The following NRG3 variants were observed in gnomAD, a reference collection of about 807,000 sequenced individuals.
NRG3 encodes neuregulin 3.
In NRG3, 31 loss-of-function variants were observed where a neutral mutation model predicts 66.9. That is an observed-to-expected ratio of 0.46 (90% CI 0.35 to 0.63). The LOEUF is 0.63. Among genes scored for constraint, NRG3 ranks in the 20% least tolerant of loss-of-function variants. NRG3 has a pLI of 0.00. For missense variants in NRG3, 910 were observed against 878.9 expected (o/e 1.04, Z -0.45); for synonymous variants, 393 against 359.4 (o/e 1.09, Z -1.06).
chr10:82,547,062 A>G (rs1237324176), intron 2 of NRG3, among the ~76,000 whole-genome samples: 1 of 152,218 alleles, frequency 6.6e-6, no homozygotes, highest in Non-Finnish European at 1.5e-5. Flanking sequence ...ATGCAATCAT[A>G]AAATTTGTAG....
At chr10:82,845,017 T>A (rs1287805643) in intron 3 of NRG3, among the ~76,000 whole-genome samples, 3 of 152,062 alleles carry the variant, frequency 2.0e-5, no homozygotes, top group African/African-American at 7.2e-5. Context: ...TTTCCAGGCA[T>A]GGTGTTGTGC....
At chr10:82,564,711 C>T (rs1200142670) in intron 2 of NRG3, among the ~76,000 whole-genome samples, 1 of 151,992 alleles carries the variant, frequency 6.6e-6, no homozygotes, top group Non-Finnish European at 1.5e-5. Context: ...TCCTGTTGTG[C>T]TGAGTGTGTC....
At chr10:82,241,553 A>G (rs983990996) in intron 1 of NRG3, among the ~76,000 whole-genome samples, 1 of 152,158 alleles carries the variant, frequency 6.6e-6, no homozygotes. Flanking sequence ...TAGCTAGTTT[A>G]GCACATAATA....
At chr10:82,363,726 G>T (rs2084338874) in intron 2 of NRG3, among the ~76,000 whole-genome samples, 1 of 152,020 alleles carries the variant, frequency 6.6e-6, no homozygotes, top group South Asian at 2.1e-4. Flanking sequence ...CAAAGTGCTG[G>T]GATTACAGGC....
intron 1 of NRG3, among the ~76,000 whole-genome samples, chr10:82,169,382 A>G (rs928821247): frequency 4.6e-5 from 7 of 151,950 alleles, no homozygotes; most frequent in African/African-American, 1.4e-4. Context: ...AGGAACAATT[A>G]TCTATATTTC....
Position 82,762,004 on chromosome 10 carries a change from CTCTT to C in NRG3, c.1027+23368_1027+23371del, listed in dbSNP as rs1040816094. 5.1e-3 allele frequency among the ~76,000 whole-genome samples: 531 copies of C among 104,752 alleles called. 2 individuals carry two copies. The highest frequency in any genetic ancestry group is 0.017 in the African/African-American group (478 of 28,308). 68.7% of individuals were successfully genotyped at this position (104,752 alleles called of 152,430 possible). A position where few individuals can be genotyped will look rare whatever the true frequency, so the allele number is the denominator to read the frequency against. Reference sequence around the variant, plus strand: ...TTCTTTCTTCTTTCTTTTCCTTTCTCTCTTTCTTTCTTTCTTTTCTTTCTTTCTT... The same window carrying C: ...TTCTTTCTTCTTTCTTTTCCTTTCTCTCTTTCTTTCTTTTCTTTCTTTCTT... On this transcript the variant is annotated intron_variant, in intron 3 of 8. Coordinates refer to ENST00000372141, the MANE Select transcript of NRG3 (RefSeq NM_001010848.4).
At chr10:82,274,409 T>G (rs749038054) in intron 1 of NRG3, among the ~76,000 whole-genome samples, 2 of 148,860 alleles carry the variant, frequency 1.3e-5, no homozygotes, top group African/African-American at 2.6e-5. Flanking sequence ...AGTTGTCAGA[T>G]CTAGAATGAT....
chr10:82,786,899 G>A (rs1213750043), intron 3 of NRG3, among the ~76,000 whole-genome samples: 1 of 152,084 alleles, frequency 6.6e-6, no homozygotes, highest in Non-Finnish European at 1.5e-5. Flanking sequence ...TCATGTTTGT[G>A]CTGTCTTGCC....
chr10:82,232,187 A>G (rs1356694579), intron 1 of NRG3: 4 of 152,412 alleles, frequency 2.6e-5, no homozygotes, highest in East Asian at 1.9e-4. Context: ...CTTATATATC[A>G]TAATAAATAG....
rs551449724 is a variant in NRG3, at chr10:82,970,553, T to C, written c.1285-3235T>C. Among the ~76,000 whole-genome samples the C allele has an allele frequency of 6.6e-5, 10 of 152,338 alleles. No individual in the cohort carries two copies. In the South Asian group the frequency reaches 2.1e-3, roughly 32 times the overall value. ...TATGTTGCCTGTCTTTATTTTTCTG[T>C]GAAATTCTTGTTCACCTGTTGCCTT... is the stretch of plus-strand genomic sequence containing the variant. On this transcript the variant is annotated intron_variant, in intron 6 of 8. Transcript: ENST00000372141.
rs181683651 is a variant in NRG3, at chr10:82,959,612, G to T, written c.1284+537G>T. Among the ~76,000 whole-genome samples, 406 of 152,238 alleles carry T rather than the reference G, an allele frequency of 2.7e-3. 1 individual carries two copies. The highest frequency in any genetic ancestry group is 0.01 in the Middle Eastern group (3 of 294). The stretch of plus-strand genomic sequence containing the variant: ...AAGGATATGAAAAGTTCTATAGAGA[G>T]TCAAAGGGCTAAGAGCTAGAAGCCA... On this transcript the variant is annotated intron_variant, in intron 6 of 8. Coordinates refer to ENST00000372141, the MANE Select transcript of NRG3 (RefSeq NM_001010848.4).
chr10:82,274,491 G>A (rs1275498359), intron 1 of NRG3, among the ~76,000 whole-genome samples: 1 of 151,900 alleles, frequency 6.6e-6, no homozygotes, highest in Non-Finnish European at 1.5e-5. Flanking sequence ...AAAAATGAAT[G>A]AAAATTGCTA....
At chr10:81,882,237 C>T (rs1842243620) in intron 1 of NRG3, among the ~76,000 whole-genome samples, 2 of 152,114 alleles carry the variant, frequency 1.3e-5, no homozygotes. Context: ...TTTCACTGTG[C>T]AGTGGGCCTC....
intron 1 of NRG3, among the ~76,000 whole-genome samples, chr10:82,162,853 A>C (rs866079451): frequency 3.3e-5 from 5 of 152,190 alleles, no homozygotes; most frequent in Non-Finnish European, 5.9e-5. Context: ...AAAGCTCTCC[A>C]AATCTGTCTA....
chr10:82,252,848 C>A (rs1203909750), intron 1 of NRG3, among the ~76,000 whole-genome samples: 1 of 152,118 alleles, frequency 6.6e-6, no homozygotes, highest in African/African-American at 2.4e-5. Context: ...TCACACCTGG[C>A]TGTATTACTT....
intron 4 of NRG3, among the ~76,000 whole-genome samples, chr10:82,946,444 C>G (rs1206902082): frequency 6.6e-6 from 1 of 151,632 alleles, no homozygotes; most frequent in Non-Finnish European, 1.5e-5. Context: ...GAGGCTGAGG[C>G]AGGAAAATCG....
At chr10:82,133,638 C>T (rs951177031) in intron 1 of NRG3, among the ~76,000 whole-genome samples, 3 of 152,062 alleles carry the variant, frequency 2.0e-5, no homozygotes, top group Admixed American at 2.0e-4. Flanking sequence ...ATATGTACCA[C>T]GTTTTCTTTA....
intron 2 of NRG3, among the ~76,000 whole-genome samples, chr10:82,625,331 A>G (rs2049344427): frequency 6.6e-6 from 1 of 152,192 alleles, no homozygotes; most frequent in Admixed American, 6.6e-5. Flanking sequence ...TCACTGGTAA[A>G]CATCTGCAAC....
At position 82,127,542 on chromosome 10, in the gene NRG3, T is replaced by C. The variant is rs912944713; in HGVS notation, c.824-231197T>C. On this transcript the variant is annotated intron_variant, in intron 1 of 8. Coordinates refer to ENST00000372141, the MANE Select transcript of NRG3 (RefSeq NM_001010848.4). ...AACATACACTCCTCTAAAACTCATGTTATCACCAGAAGTGTGATACCAAAG... is the reference window on the plus strand; with the variant it reads ...AACATACACTCCTCTAAAACTCATGCTATCACCAGAAGTGTGATACCAAAG... 3.3e-5 allele frequency among the ~76,000 whole-genome samples: 5 copies of C among 152,028 alleles called. No individual in the cohort carries two copies. In the East Asian group the frequency reaches 9.7e-4, roughly 29 times the overall value.
Sources: allele counts gnomAD v4.1 joint callset (sites outside exome capture counted in the v4.1 genomes callset), GRCh38; gene constraint gnomAD v4.1.1; transcripts MANE v1.5; gene names NCBI Gene and HGNC (gene_info 2026-07-23, HGNC 2026-07-21).